The following ADCY5 variants were observed in gnomAD, a reference collection of about 807,000 sequenced individuals.
ADCY5 encodes adenylate cyclase type 5.
In ADCY5, 30 loss-of-function variants were observed where a neutral mutation model predicts 119.7. That is an observed-to-expected ratio of 0.25 (90% confidence interval 0.19 to 0.34). ADCY5 has a LOEUF of 0.34. Among genes scored for constraint, ADCY5 ranks in the 10% least tolerant of loss-of-function variants. The pLI is 1.00. For missense variants in ADCY5, 1,324 were observed against 1,775.2 expected (o/e 0.75, Z 4.57); for synonymous variants, 753 against 762.2 (o/e 0.99, Z 0.20).
chr3:123,388,609 GAAGAA>G (rs1944305925), intron 1 of ADCY5, among the ~76,000 whole-genome samples: 1 of 152,166 alleles, frequency 6.6e-6, no homozygotes, highest in Admixed American at 6.5e-5. Flanking sequence ...AAATGAGCTG[GAAGAA>G]AAGAGCCCAA....
chr3:123,348,802 TC>T, intron 2 of ADCY5, among the ~76,000 whole-genome samples: 1 of 152,260 alleles, frequency 6.6e-6, no homozygotes, highest in African/African-American at 2.4e-5. Flanking sequence ...AGGCTCCCTA[TC>T]AGGCTGGTGC....
intron 1 of ADCY5, among the ~76,000 whole-genome samples, chr3:123,380,998 A>T (rs905081879): frequency 1.3e-5 from 2 of 152,190 alleles, no homozygotes; most frequent in Non-Finnish European, 2.9e-5. Flanking sequence ...TGGGCAAGTT[A>T]CTTAACCTGT....
intron 1 of ADCY5, among the ~76,000 whole-genome samples, chr3:123,365,514 C>T (rs757421421): frequency 1.3e-5 from 2 of 152,180 alleles, no homozygotes; most frequent in African/African-American, 4.8e-5. Context: ...CCAAGCAAGG[C>T]ATCTGCAAGG....
chr3:123,382,057 C>G (rs2107560334), intron 1 of ADCY5, among the ~76,000 whole-genome samples: 1 of 152,306 alleles, frequency 6.6e-6, no homozygotes, highest in East Asian at 1.9e-4. Context: ...TCCCTCTGCT[C>G]CAGCCATACT....
chr3:123,335,086 G>A (rs1028199918), intron 3 of ADCY5, among the ~76,000 whole-genome samples: 3 of 152,104 alleles, frequency 2.0e-5, no homozygotes, highest in African/African-American at 7.2e-5. Flanking sequence ...CACTGCTGAC[G>A]ACAACCCCTG....
chr3:123,405,838 T>C (rs1329115253), intron 1 of ADCY5, among the ~76,000 whole-genome samples: 1 of 152,110 alleles, frequency 6.6e-6, no homozygotes, highest in Admixed American at 6.5e-5. Flanking sequence ...TTTCACGATG[T>C]TGGCCAGGCT....
chr3:123,295,475 G>C (rs1283179459), intron 17 of ADCY5, among the ~76,000 whole-genome samples: 1 of 152,216 alleles, frequency 6.6e-6, no homozygotes, highest in Non-Finnish European at 1.5e-5. Flanking sequence ...CCTTCCTCCA[G>C]GGAGACACAA....
chr3:123,426,373 G>A (rs1006279299), intron 1 of ADCY5, among the ~76,000 whole-genome samples: 5 of 150,720 alleles, frequency 3.3e-5, no homozygotes, highest in Non-Finnish European at 7.4e-5. Flanking sequence ...ACCCAGGCTG[G>A]AGTGCAGTGG....
intron 2 of ADCY5, among the ~76,000 whole-genome samples, chr3:123,351,658 G>A (rs1942842058): frequency 6.6e-6 from 1 of 152,156 alleles, no homozygotes; most frequent in Admixed American, 6.5e-5. Context: ...TGTGAGCCAT[G>A]ACTCAGAGTC....
intron 7 of ADCY5, among the ~76,000 whole-genome samples, chr3:123,325,878 C>G (rs957466863): frequency 3.3e-5 from 5 of 152,252 alleles, no homozygotes; most frequent in African/African-American, 1.2e-4. Flanking sequence ...CTTCCTCCCC[C>G]TACTCTGTGG....
chr3:123,367,847 A>C, intron 1 of ADCY5: 1 of 1,521,844 alleles, frequency 6.6e-7, no homozygotes, highest in African/African-American at 1.4e-5. Flanking sequence ...AGCAGAATCC[A>C]GAAGAAAAAA....
intron 1 of ADCY5, among the ~76,000 whole-genome samples, chr3:123,400,037 G>A (rs187847382): frequency 3.1e-4 from 47 of 152,288 alleles, no homozygotes; most frequent in African/African-American, 1.1e-3. Flanking sequence ...GGGTTCAGAC[G>A]CAGCAGTTAC....
chr3:123,316,184 A>C (rs1423653912), intron 11 of ADCY5, among the ~76,000 whole-genome samples: 1 of 151,942 alleles, frequency 6.6e-6, no homozygotes, highest in Non-Finnish European at 1.5e-5. Flanking sequence ...CCTTATCAAA[A>C]TGTAGACCCC....
intron 12 of ADCY5, among the ~76,000 whole-genome samples, chr3:123,307,607 T>C (rs1363966185): frequency 1.3e-5 from 2 of 152,140 alleles, no homozygotes; most frequent in African/African-American, 4.8e-5. Flanking sequence ...TTTCAAATCG[T>C]TGGCTGCTGA....
chr3:123,392,490 C>T (rs1228269287), intron 1 of ADCY5, among the ~76,000 whole-genome samples: 2 of 152,048 alleles, frequency 1.3e-5, no homozygotes, highest in Non-Finnish European at 2.9e-5. Context: ...TATCATAAAC[C>T]GCAGACTTAG....
At position 123,352,589 on chromosome 3, in the gene ADCY5, G is replaced by A; in HGVS notation, c.1135-8C>T. On this transcript the variant is annotated splice_polypyrimidine_tract_variant and splice_region_variant and intron_variant, in intron 1 of 20. Transcript: ENST00000462833. The surrounding 1 kb of genome is among the most constrained non-coding windows in gnomAD (Gnocchi z 4.8). ...GAGAACATTGGAGACAAGCTGCAGAGGGAGAGAGGAGCACACCTAGCTCAG... is the reference window on the plus strand; with the variant it reads ...GAGAACATTGGAGACAAGCTGCAGAAGGAGAGAGGAGCACACCTAGCTCAG... 6.2e-7 allele frequency: 1 copy of A among 1,606,976 alleles called. No homozygotes were observed. The highest frequency in any genetic ancestry group is 8.5e-7 in the Non-Finnish European group (1 of 1,175,146).
chr3:123,318,613 T>C (rs1941050048), intron 10 of ADCY5, among the ~76,000 whole-genome samples: 2 of 152,202 alleles, frequency 1.3e-5, no homozygotes, highest in African/African-American at 4.8e-5. Flanking sequence ...GCCACACTGA[T>C]GGAGGTTGGG....
At chr3:123,408,362 T>A (rs1462388931) in intron 1 of ADCY5, among the ~76,000 whole-genome samples, 19 of 150,970 alleles carry the variant, frequency 1.3e-4, no homozygotes, top group Admixed American at 5.3e-4. Flanking sequence ...TTTTTTTTTT[T>A]AAAGGCAGAC....
At chr3:123,309,176 CCT>C (rs1476977454) in intron 12 of ADCY5, among the ~76,000 whole-genome samples, 2 of 152,116 alleles carry the variant, frequency 1.3e-5, no homozygotes, top group African/African-American at 4.8e-5. Flanking sequence ...TCCCCGGGCC[CCT>C]GTCTGTGATG....
Sources: gnomAD v4.1 joint callset for allele counts (sites outside exome capture counted in the v4.1 genomes callset) on GRCh38, gnomAD v4.1.1 for gene constraint, Gnocchi (gnomAD v3.1) non-coding constraint, MANE v1.5 for transcripts, NCBI Gene and HGNC (gene_info 2026-07-23, HGNC 2026-07-21) for gene names.